LINGO4: variants seen among roughly 807,000 people sequenced by gnomAD.
The protein encoded by LINGO4 is leucine-rich repeat and immunoglobulin-like domain-containing nogo receptor-interacting protein 4.
In LINGO4, 22 loss-of-function variants were observed where a neutral mutation model predicts 27.9. The observed-to-expected ratio is 0.79, with a 90% CI of 0.56 to 1.13. The LOEUF is 1.13. Among genes scored for constraint, LINGO4 ranks in the 50% most tolerant of loss-of-function variants. The probability of loss-of-function intolerance (pLI) is 0.00; values close to 1 mark genes in which losing one functional copy is unlikely to be tolerated. For missense variants in LINGO4, 706 were observed against 739.4 expected, an observed-to-expected ratio of 0.95 and a Z score of 0.52; for synonymous variants, 306 against 325.8, an observed-to-expected ratio of 0.94 and a Z score of 0.65.
chr1:151,802,767 G>C, intron 1 of LINGO4, 50 bp from the exon 2 acceptor site: 6 of 1,324,364 alleles, frequency 4.5e-6, no homozygotes, highest in Non-Finnish European at 6.0e-6. Flanking sequence ...TTCAGATGAC[G>C]GTGACCCTGG....
rs543607682 is a variant in LINGO4 at position 151,802,738 on chromosome 1, G to C, written c.-13-21C>G. The C allele has an allele frequency of 3.4e-5, 49 of 1,438,180 alleles. No homozygotes were observed. The South Asian group carries it at 6.8e-4, about 20-fold the overall frequency. The allele number at this position is 1,438,180 out of a possible 1,614,324, so 89.1% of individuals were successfully genotyped here. On this transcript the variant is annotated intron_variant, in intron 1 of 1. Transcript: ENST00000368820. ...CAGTCCTGGAATAGATGATGACATG[G>C]CCCTTTTTGGAAAGTGGCTTCAGAT...
chr1:151,802,043 G>C lies in LINGO4; in HGVS notation c.662C>G (p.Ala221Gly), dbSNP rs1420690832. ...CTGCCCCAGCCCCCGCAGGGCCCCA[G>C]CTGGCAGCCTCCCAATATCCAGTTC... ...LRELDIGRLP[A>G]GALRGLGQLK... The change falls in exon 2 of 2, where the codon GCT becomes GGT. Residue 221 changes from alanine (A) to glycine (G), a missense_variant. Coordinates refer to ENST00000368820, the MANE Select transcript of LINGO4 (RefSeq NM_001004432.4). 1 of 1,614,148 alleles carries C rather than the reference G, an allele frequency of 6.2e-7. No homozygotes were observed.
intron 1 of LINGO4, among the ~76,000 whole-genome samples, chr1:151,803,024 G>A (rs1651197450): frequency 1.3e-5 from 2 of 152,092 alleles, no homozygotes; most frequent in Non-Finnish European, 2.9e-5. Flanking sequence ...AATGGGGCAG[G>A]GAACAGCAGG....
chr1:151,802,456 C>G lies in LINGO4; in HGVS notation c.249G>C (p.Leu83=), dbSNP rs1261155810. The change falls in exon 2 of 2, where the codon CTG becomes CTC. Residue 83 remains leucine, a synonymous_variant. Transcript: ENST00000368820. ...TGAGGTCCAATTCCTGGAGCAGGCT[C>G]AGGCGGGAGAGCATTCCCTGCTGGA... ...WGLQQGMLSR[L]SLLQELDLSY... 2.5e-6 allele frequency: 4 copies of G among 1,614,164 alleles called. No individual in the cohort carries two copies. The South Asian group carries it at 3.3e-5, about 13-fold the overall frequency.
Position 151,801,174 on chromosome 1 carries a change from G to A in LINGO4, c.1531C>T (p.Leu511Phe). The A allele has an allele frequency of 6.2e-7, 1 of 1,614,234 alleles. No individual in the cohort carries two copies. Among genetic ancestry groups the A allele is most frequent in the Non-Finnish European group, 8.5e-7 (1 of 1,180,034 alleles). The change falls in exon 2 of 2, where the codon CTT (leucine) becomes TTT (phenylalanine). Residue 511 changes from leucine to phenylalanine, a missense_variant. By Grantham distance (22) the Leu-to-Phe change is conservative. Coordinates refer to ENST00000368820, the MANE Select transcript of LINGO4 (RefSeq NM_001004432.4). This position sits in a 1 kb window ranked among gnomAD's most constrained non-coding sequence, Gnocchi z 5.7. ...GGCACGGTGATGTTGGGGTCAGAAA[G>A]TGTGCCGTTTGGTGGTTCCACCTGG... Reference protein sequence around the residue: ...VIQVEPPNGTLSDPNITVPGI... With the variant: ...VIQVEPPNGTFSDPNITVPGI...
Position 151,802,731 on chromosome 1 carries a change from TGAC to T in LINGO4, c.-13-17_-13-15del. On this transcript the variant is annotated splice_polypyrimidine_tract_variant and intron_variant, in intron 1 of 1. Coordinates refer to ENST00000368820, the MANE Select transcript of LINGO4 (RefSeq NM_001004432.4). Reference sequence around the variant, plus strand: ...CCCTCTTCAGTCCTGGAATAGATGATGACATGGCCCTTTTTGGAAAGTGGCTTC... The same window carrying T: ...CCCTCTTCAGTCCTGGAATAGATGATATGGCCCTTTTTGGAAAGTGGCTTC... 6.9e-7 allele frequency: 1 copy of T among 1,453,092 alleles called. No homozygotes were observed. The highest frequency in any genetic ancestry group is 9.1e-7 in the Non-Finnish European group (1 of 1,103,024). 90.0% of individuals were successfully genotyped at this position (1,453,092 alleles called of 1,614,324 possible). A position where few individuals can be genotyped will look rare whatever the true frequency, so the allele number is the denominator to read the frequency against.
At position 151,801,095 on chromosome 1, in the gene LINGO4, G is replaced by A. The variant is rs764966255; in HGVS notation, c.1610C>T (p.Ala537Val). ...GGTGAGGAAGGGGAGGAAGCCGACT[G>A]CCAGCACCATGGCCACACCTCTGCT... Reference protein sequence around the residue: ...LDSRGVAMVLAVGFLPFLTSV... With the variant: ...LDSRGVAMVLVVGFLPFLTSV... Residue 537 changes from alanine (A) to valine (V), a missense_variant, in exon 2 of 2, where the codon GCA (alanine) becomes GTA (valine). Ala to Val is a moderately conservative substitution (Grantham distance 64). Transcript: ENST00000368820. The surrounding 1 kb of genome is among the most constrained non-coding windows in gnomAD (Gnocchi z 5.7). 24 of 1,614,212 alleles carry A rather than the reference G, an allele frequency of 1.5e-5. No individual in the cohort carries two copies. The East Asian group carries it at 4.9e-4, about 33-fold the overall frequency.
rs1334200315 is a variant in LINGO4, at chr1:151,801,120, T to C, written c.1585A>G (p.Ser529Gly). 1.9e-6 allele frequency: 3 copies of C among 1,614,146 alleles called. No homozygotes were observed. The highest frequency in any genetic ancestry group is 2.5e-6 in the Non-Finnish European group (3 of 1,179,998). The change falls in exon 2 of 2, where the codon AGC becomes GGC. Residue 529 changes from serine to glycine, a missense_variant. Coordinates refer to ENST00000368820, the MANE Select transcript of LINGO4 (RefSeq NM_001004432.4). The surrounding 1 kb of genome is among the most constrained non-coding windows in gnomAD (Gnocchi z 5.7). ...GCCAGCACCATGGCCACACCTCTGC[T>C]ATCCAGAAAAAAAGGCCCTGGGATC... Reference protein sequence around the residue: ...PGIPGPFFLDSRGVAMVLAVG... With the variant: ...PGIPGPFFLDGRGVAMVLAVG...
In LINGO4 at chr1:151,801,230, T is replaced by C; in HGVS notation, c.1475A>G (p.Asn492Ser). The stretch of plus-strand genomic sequence containing the variant: ...TTCCAGCCAGGTCCTCAGGGAGTCA[T>C]TCCCAGCGACATTGCTAACCACACA... ...YVCVVSNVAG[N>S]DSLRTWLEVI... Residue 492 changes from asparagine (N) to serine (S), a missense_variant, in exon 2 of 2, where the codon AAT (asparagine) becomes AGT (serine). Physicochemically the swap from Asn to Ser is conservative, Grantham distance 46. Transcript: ENST00000368820. This position sits in a 1 kb window ranked among gnomAD's most constrained non-coding sequence, Gnocchi z 5.7. 2 of 1,614,172 alleles carry C rather than the reference T, an allele frequency of 1.2e-6. No homozygotes were observed. Among genetic ancestry groups the C allele is most frequent in the Non-Finnish European group, 1.7e-6 (2 of 1,180,020 alleles).
At position 151,802,386 on chromosome 1, in the gene LINGO4, G is replaced by T; in HGVS notation, c.319C>A (p.Leu107Ile). The change falls in exon 2 of 2, where the codon CTA becomes ATA. Residue 107 changes from leucine (L) to isoleucine (I), a missense_variant. Coordinates refer to ENST00000368820, the MANE Select transcript of LINGO4 (RefSeq NM_001004432.4). ...STLEPGAFHG[L>I]QSLLTLRLQG... Reference sequence around the variant, plus strand: ...AGCCTCAGGGTGAGTAGGCTTTGTAGGCCATGGAAGGCCCCAGGCTCAAGG... The same window carrying T: ...AGCCTCAGGGTGAGTAGGCTTTGTATGCCATGGAAGGCCCCAGGCTCAAGG... 6.2e-7 allele frequency: 1 copy of T among 1,614,148 alleles called. No homozygotes were observed. Among genetic ancestry groups the T allele is most frequent in the Middle Eastern group, 1.6e-4 (1 of 6,062 alleles).
chr1:151,801,432 C>T lies in LINGO4; in HGVS notation c.1273G>A (p.Ala425Thr), dbSNP rs1198670973. The change falls in exon 2 of 2, where the codon GCA becomes ACA. Residue 425 changes from alanine (A) to threonine (T), a missense_variant. Transcript: ENST00000368820. The surrounding 1 kb of genome is among the most constrained non-coding windows in gnomAD (Gnocchi z 5.7). ...IRKSGPRWVI[A>T]EEGGHAVFSC... is the part of the protein sequence containing the mutation. ...AAAACCGCATGCCCGCCCTCCTCTG[C>T]AATGACCCATCGAGGCCCCGACTTT... The T allele has an allele frequency of 3.8e-5, 61 of 1,614,168 alleles. No individual in the cohort carries two copies. The highest frequency in any genetic ancestry group is 5.2e-5 in the Non-Finnish European group (61 of 1,180,060).
rs1572029515 is a variant in LINGO4 at position 151,802,505 on chromosome 1, A to G, written c.200T>C (p.Leu67Pro). The G allele has an allele frequency of 6.2e-7, 1 of 1,611,878 alleles. No homozygotes were observed. Among genetic ancestry groups the G allele is most frequent in the East Asian group, 2.2e-5 (1 of 44,808 alleles). Reference protein sequence around the residue: ...GLPLDTELLDLSGNRLWGLQQ... With the variant: ...GLPLDTELLDPSGNRLWGLQQ... ...GAGCCCCCACAGGCGGTTCCCACTC[A>G]GGTCCAGGAGCTCAGTGTCCAGTGG... The change falls in exon 2 of 2, where the codon CTG becomes CCG. Residue 67 changes from leucine to proline, a missense_variant. Transcript: ENST00000368820.
rs1651155060 is a variant in LINGO4, at chr1:151,801,780, C to T, written c.925G>A (p.Gly309Arg). Residue 309 changes from glycine to arginine, a missense_variant, in exon 2 of 2, where the codon GGG (glycine) becomes AGG (arginine). Transcript: ENST00000368820. This position sits in a 1 kb window ranked among gnomAD's most constrained non-coding sequence, Gnocchi z 5.7. ...LVRLQELRLS[G>R]ACLTSIAAHA... ...GCAGCAATGGAGGTGAGGCATGCCCCTGACAGGCGTAGCTCCTGGAGCCGC... is the reference window on the plus strand; with the variant it reads ...GCAGCAATGGAGGTGAGGCATGCCCTTGACAGGCGTAGCTCCTGGAGCCGC... 3 of 1,614,092 alleles carry T rather than the reference C, an allele frequency of 1.9e-6. No individual in the cohort carries two copies. Among genetic ancestry groups the T allele is most frequent in the African/African-American group, 1.3e-5 (1 of 74,944 alleles).
chr1:151,803,777 C>G (rs1651214346), intron 1 of LINGO4, among the ~76,000 whole-genome samples: 1 of 152,192 alleles, frequency 6.6e-6, no homozygotes, highest in South Asian at 2.1e-4. Context: ...CAGCAGGTAT[C>G]TGGGCACAGA....
chr1:151,800,924 C>A lies in LINGO4; in HGVS notation c.1781G>T (p.Ter594LeuextTer79). The change falls in exon 2 of 2, where the codon TGA becomes TTA. Residue 594 changes from the stop codon to leucine (L), a stop_lost. Transcript: ENST00000368820. ...GGNRVTAKLF* is the reference protein window; with the variant it reads ...GGNRVTAKLFL ...GGTTCCCCACTGGGGAAGGAAAGGT[C>A]AGAAGAGCTTGGCAGTGACCCGGTT... is the stretch of plus-strand genomic sequence containing the variant. The A allele has an allele frequency of 1.2e-6, 2 of 1,600,434 alleles. No homozygotes were observed. Among genetic ancestry groups the A allele is most frequent in the South Asian group, 2.2e-5 (2 of 89,164 alleles).
At position 151,800,746 on chromosome 1, in the gene LINGO4, A is replaced by G; in HGVS notation, c.*177T>C. ...CCCTCAGAGAAGAAATGACAATGCT[A>G]TCCTCAGACCGGAAAAGCTCAGGAA... On this transcript the variant is annotated 3_prime_UTR_variant, in exon 2 of 2. Transcript: ENST00000368820. 1.6e-6 allele frequency: 1 copy of G among 607,670 alleles called. No homozygotes were observed. Among genetic ancestry groups the G allele is most frequent in the South Asian group, 2.2e-5 (1 of 44,594 alleles). 37.6% of individuals were successfully genotyped at this position (607,670 alleles called of 1,614,324 possible).
chr1:151,804,711 C>T (rs1201436916), intron 1 of LINGO4, among the ~76,000 whole-genome samples: 4 of 152,224 alleles, frequency 2.6e-5, no homozygotes, highest in African/African-American at 4.8e-5. Flanking sequence ...GACCGGCTTC[C>T]GGCCACTTTG....
chr1:151,801,827 G>A lies in LINGO4; in HGVS notation c.878C>T (p.Ala293Val), dbSNP rs750640300. The part of the protein sequence containing the change: ...LSQNPISAIP[A>V]RRLSPLVRLQ... Reference sequence around the variant, plus strand: ...CCGCACCAGGGGGCTGAGCCTTCGGGCTGGGATGGCTGAGATGGGATTCTG... The same window carrying A: ...CCGCACCAGGGGGCTGAGCCTTCGGACTGGGATGGCTGAGATGGGATTCTG... The change falls in exon 2 of 2, where the codon GCC becomes GTC. Residue 293 changes from alanine to valine, a missense_variant. Physicochemically the swap from Ala to Val is moderately conservative, Grantham distance 64. Transcript: ENST00000368820. The surrounding 1 kb of genome is among the most constrained non-coding windows in gnomAD (Gnocchi z 5.7). 8.1e-6 allele frequency: 13 copies of A among 1,614,230 alleles called. No individual in the cohort carries two copies. The highest frequency in any genetic ancestry group is 1.1e-5 in the Non-Finnish European group (13 of 1,180,048).
rs1231953166 is a variant in LINGO4 at position 151,801,839 on chromosome 1, G to A, written c.866C>T (p.Ser289Leu). ...RVLDLSQNPISAIPARRLSPL... is the reference protein window; with the variant it reads ...RVLDLSQNPILAIPARRLSPL... ...GCTGAGCCTTCGGGCTGGGATGGCTGAGATGGGATTCTGGGACAGATCCAG... is the reference window on the plus strand; with the variant it reads ...GCTGAGCCTTCGGGCTGGGATGGCTAAGATGGGATTCTGGGACAGATCCAG... Residue 289 changes from serine to leucine, a missense_variant, in exon 2 of 2, where the codon TCA becomes TTA. Transcript: ENST00000368820. This position sits in a 1 kb window ranked among gnomAD's most constrained non-coding sequence, Gnocchi z 5.7. 5 of 1,614,120 alleles carry A rather than the reference G, an allele frequency of 3.1e-6. No individual in the cohort carries two copies. Among genetic ancestry groups the A allele is most frequent in the East Asian group, 2.2e-5 (1 of 44,898 alleles).
Sources: gnomAD v4.1 joint callset for allele counts (sites outside exome capture counted in the v4.1 genomes callset) on GRCh38, gnomAD v4.1.1 for gene constraint, Gnocchi (gnomAD v3.1) non-coding constraint, MANE v1.5 for transcripts, NCBI Gene and HGNC (gene_info 2026-07-23, HGNC 2026-07-21) for gene names.